Variants in RBL1 observed in about 807,000 individuals in gnomAD.
RBL1 encodes the protein RB transcriptional corepressor like 1, also known as retinoblastoma-like protein 1.
In RBL1, 82 loss-of-function variants were observed where a neutral mutation model predicts 123.0. The ratio of observed to expected loss-of-function variants is 0.67; its 90% confidence interval spans 0.56 to 0.80. The LOEUF is 0.80. Ranked by LOEUF, RBL1 falls within the 30% of genes least tolerant of loss-of-function variation. RBL1 has a pLI of 0.00. For synonymous variants in RBL1, 405 were observed against 441.3 expected, an observed-to-expected ratio of 0.92 and a Z score of 1.03; for missense variants, 1,171 against 1,299.6, an observed-to-expected ratio of 0.90 and a Z score of 1.52.
intron 9 of RBL1, among the ~76,000 whole-genome samples, chr20:37,057,800 C>G (rs2065032338): frequency 6.6e-6 from 1 of 151,984 alleles, no homozygotes; most frequent in African/African-American, 2.4e-5. Flanking sequence ...ATCGGCCTGG[C>G]CAACATGGTG....
chr20:37,022,876 T>C, intron 16 of RBL1, 50 bp from the exon 17 acceptor site: 1 of 1,435,572 alleles, frequency 7.0e-7, no homozygotes, highest in Non-Finnish European at 9.5e-7. Context: ...AAATCATTTC[T>C]CAAATTTTTA....
intron 19 of RBL1, 104 bp downstream of exon 19, chr20:37,018,175 C>T (rs1311413261): frequency 1.4e-5 from 18 of 1,298,062 alleles, no homozygotes; most frequent in Non-Finnish European, 1.8e-5. Flanking sequence ...TTGTCCACCT[C>T]ACCTCCTTAT....
chr20:37,050,857 GAA>G (rs111688184), intron 11 of RBL1, among the ~76,000 whole-genome samples: 5 of 144,420 alleles, frequency 3.5e-5, no homozygotes, highest in African/African-American at 1.3e-4. Flanking sequence ...AAAGATTTCA[GAA>G]AAAAAAAACA....
At chr20:37,062,048 A>G in intron 8 of RBL1, 36 bp downstream of exon 8, 2 of 1,560,038 alleles carry the variant, frequency 1.3e-6, no homozygotes, top group Non-Finnish European at 1.7e-6. Context: ...AGAGAAAAAG[A>G]TCATTCAAGA....
intron 11 of RBL1, among the ~76,000 whole-genome samples, chr20:37,048,567 A>G (rs1341592490): frequency 1.3e-5 from 2 of 152,280 alleles, no homozygotes; most frequent in Admixed American, 6.5e-5. Flanking sequence ...ATACCAGCAG[A>G]TAAGTCTCTA....
Position 37,055,650 on chromosome 20 carries a change from G to A in RBL1, c.1370C>T (p.Ala457Val). The A allele has an allele frequency of 6.2e-7, 1 of 1,609,404 alleles. No individual in the cohort carries two copies. The change falls in exon 11 of 22, where the codon GCT becomes GTT. Residue 457 changes from alanine (A) to valine (V), a missense_variant. Coordinates refer to ENST00000373664, the MANE Select transcript of RBL1 (RefSeq NM_002895.5). ...DEQPGSHIDF[A>V]VNRLKLAEIL... ...TTCTGCCAGCTTTAGTCTGTTTACA[G>A]CAAAGTCTATCAGGGAAATACAGAG...
intron 21 of RBL1, among the ~76,000 whole-genome samples, chr20:36,999,459 TCCTCTCCCTCTCC>T (rs2063928323): frequency 7.8e-6 from 1 of 127,934 alleles, no homozygotes; most frequent in Non-Finnish European, 1.6e-5. Flanking sequence ...TCTCCCTCCC[TCCTCTCCCTCTCC>T]CTCCTCTCCC....
At chr20:37,066,061 A>G (rs961127214) in intron 6 of RBL1, among the ~76,000 whole-genome samples, 1 of 152,264 alleles carries the variant, frequency 6.6e-6, no homozygotes, top group African/African-American at 2.4e-5. Context: ...ATTTATGCTT[A>G]AAGAAAAATC....
chr20:37,003,211 G>A (rs1331193684), intron 21 of RBL1, among the ~76,000 whole-genome samples: 1 of 152,124 alleles, frequency 6.6e-6, no homozygotes, highest in African/African-American at 2.4e-5. Context: ...CTGCTTGATA[G>A]TCCATGAAGT....
chr20:37,012,067 G>A (rs1471672042), intron 19 of RBL1, among the ~76,000 whole-genome samples: 1 of 152,246 alleles, frequency 6.6e-6, no homozygotes, highest in Non-Finnish European at 1.5e-5. Flanking sequence ...GTTTCGCTGT[G>A]TTGGCTGGGC....
At chr20:37,023,424 G>A (rs192576363) in intron 16 of RBL1, among the ~76,000 whole-genome samples, 4 of 151,978 alleles carry the variant, frequency 2.6e-5, no homozygotes, top group East Asian at 3.9e-4. Flanking sequence ...TGCCCGGCTC[G>A]AATGCATAAT....
intron 16 of RBL1, among the ~76,000 whole-genome samples, chr20:37,029,882 G>A (rs1191617713): frequency 6.6e-6 from 1 of 152,110 alleles, no homozygotes; most frequent in African/African-American, 2.4e-5. Context: ...CTTAAGCAAG[G>A]ACTTGTCTTG....
chr20:37,022,661 T>C lies in RBL1; in HGVS notation c.2548A>G (p.Ile850Val). 6.2e-7 allele frequency: 1 copy of C among 1,610,806 alleles called. No homozygotes were observed. Among genetic ancestry groups the C allele is most frequent in the Non-Finnish European group, 8.5e-7 (1 of 1,178,300 alleles). ...AATTTATACATTACCTTTGCCATGATATAAAAGGCACAAAGGAGGAGCTGA... is the reference window on the plus strand; with the variant it reads ...AATTTATACATTACCTTTGCCATGACATAAAAGGCACAAAGGAGGAGCTGA... Reference protein sequence around the residue: ...LDQLLLCAFYIMAKVTKEERT... With the variant: ...LDQLLLCAFYVMAKVTKEERT... Residue 850 changes from isoleucine (I) to valine (V), a missense_variant, in exon 17 of 22, where the codon ATC becomes GTC. Physicochemically the swap from Ile to Val is conservative, Grantham distance 29 (BLOSUM62 3). Coordinates refer to ENST00000373664, the MANE Select transcript of RBL1 (RefSeq NM_002895.5).
intron 1 of RBL1, among the ~76,000 whole-genome samples, chr20:37,089,379 G>C (rs1405534437): frequency 2.0e-5 from 3 of 151,562 alleles, no homozygotes; most frequent in Admixed American, 1.3e-4. Context: ...AGCCTGGCTT[G>C]GTGGCTCATG....
At chr20:37,033,342 C>T (rs1393121282) in intron 15 of RBL1, among the ~76,000 whole-genome samples, 3 of 151,774 alleles carry the variant, frequency 2.0e-5, no homozygotes, top group Admixed American at 1.3e-4. Flanking sequence ...CTACCACACC[C>T]GGCTAATTTT....
chr20:37,079,328 G>C (rs1173440191), intron 2 of RBL1, among the ~76,000 whole-genome samples: 1 of 151,804 alleles, frequency 6.6e-6, no homozygotes, highest in Non-Finnish European at 1.5e-5. Context: ...TAAACCAGCT[G>C]TTTAGCCAAT....
At chr20:37,031,668 T>G (rs1291744508) in intron 16 of RBL1, among the ~76,000 whole-genome samples, 1 of 152,322 alleles carries the variant, frequency 6.6e-6, no homozygotes, top group East Asian at 1.9e-4. Flanking sequence ...AATGAAATAC[T>G]AAATTACTCT....
chr20:37,013,885 T>C (rs972056075), intron 19 of RBL1, among the ~76,000 whole-genome samples: 2 of 152,150 alleles, frequency 1.3e-5, no homozygotes, highest in Non-Finnish European at 2.9e-5. Flanking sequence ...ATATAAATTG[T>C]GTGTGTGCTT....
intron 2 of RBL1, among the ~76,000 whole-genome samples, chr20:37,087,103 G>A (rs1169102387): frequency 6.6e-6 from 1 of 152,220 alleles, no homozygotes; most frequent in East Asian, 1.9e-4. Flanking sequence ...TTGGGAGGCT[G>A]AGGCAGGCGG....
Sources: gnomAD v4.1 joint callset for allele counts (sites outside exome capture counted in the v4.1 genomes callset) on GRCh38, gnomAD v4.1.1 for gene constraint, MANE v1.5 for transcripts, NCBI Gene and HGNC (gene_info 2026-07-23, HGNC 2026-07-21) for gene names.